NAF1: variants seen among roughly 807,000 people sequenced by gnomAD.
NAF1 encodes H/ACA ribonucleoprotein complex non-core subunit NAF1.
A neutral mutation model predicts 40.6 loss-of-function variants in NAF1; 11 were observed. The observed-to-expected ratio is 0.27, with a 90% CI of 0.17 to 0.45. The LOEUF (loss-of-function observed/expected upper bound fraction) is 0.45. NAF1 is among the 20% of genes least tolerant of loss of function. The pLI is 1.00. For synonymous variants in NAF1, 260 were observed against 228.5 expected, an observed-to-expected ratio of 1.14 and a Z score of -1.24; for missense variants, 607 against 611.1, an observed-to-expected ratio of 0.99 and a Z score of 0.07.
downstream of NAF1, among the ~76,000 whole-genome samples, chr4:163,108,072 A>AT (rs982953642): frequency 1.3e-5 from 2 of 151,802 alleles, no homozygotes; most frequent in African/African-American, 2.4e-5. Context: ...AATTAAGAAA[A>AT]TTTTTTTTTC....
chr4:163,134,921 A>G (rs1453100239), intron 6 of NAF1: 1 of 152,158 alleles, frequency 6.6e-6, no homozygotes, highest in South Asian at 2.1e-4. Context: ...AAGGATTTTA[A>G]TTGGGAATAG....
At chr4:163,110,294 A>G in intron 2 of NAF1, 1 of 701,090 alleles carries the variant, frequency 1.4e-6, no homozygotes, top group Non-Finnish European at 2.6e-6. Flanking sequence ...CCATGGTCTG[A>G]AAATAGGTGA....
Position 163,164,403 on chromosome 4 carries a change from A to C in NAF1, c.366-12T>G. 1 of 1,504,312 alleles carries C rather than the reference A, an allele frequency of 6.6e-7. No individual in the cohort carries two copies. The highest frequency in any genetic ancestry group is 8.9e-7 in the Non-Finnish European group (1 of 1,127,530). The allele number at this position is 1,504,312 out of a possible 1,614,324, so 93.2% of individuals were successfully genotyped here. A position where few individuals can be genotyped will look rare whatever the true frequency, so the allele number is the denominator to read the frequency against. On this transcript the variant is annotated splice_polypyrimidine_tract_variant and intron_variant, in intron 1 of 7. Transcript: ENST00000274054. ...CTGAATCTGTTTCACTGTAGGGAAG[A>C]AAACAGTTAAAAAAATAGTCCAGTA...
At chr4:163,149,012 C>T (rs777700102) in intron 2 of NAF1, among the ~76,000 whole-genome samples, 3 of 152,152 alleles carry the variant, frequency 2.0e-5, no homozygotes, top group African/African-American at 2.4e-5. Context: ...CCTATAAAAA[C>T]TATGAAGGTG....
At chr4:163,127,879 T>C (rs952235824), downstream of NAF1, among the ~76,000 whole-genome samples, 3 of 152,174 alleles carry the variant, frequency 2.0e-5, no homozygotes, top group African/African-American at 7.2e-5. Context: ...TTGGGAAACA[T>C]CTACTTAGTG....
chr4:163,130,197 A>G (rs1029470893), intron 7 of NAF1, among the ~76,000 whole-genome samples: 1 of 152,228 alleles, frequency 6.6e-6, no homozygotes, highest in Non-Finnish European at 1.5e-5. Context: ...CCAGGTTGCA[A>G]TAAAAGAAAA....
At chr4:163,115,537 A>C (rs1382498756) in intron 2 of NAF1, among the ~76,000 whole-genome samples, 1 of 152,152 alleles carries the variant, frequency 6.6e-6, no homozygotes, top group African/African-American at 2.4e-5. Flanking sequence ...ACTCAGTATG[A>C]TAATCATGTT....
exon 3 of NAF1, chr4:163,110,164 A>G: frequency 3.3e-6 from 2 of 608,984 alleles, no homozygotes; most frequent in Non-Finnish European, 5.9e-6. Flanking sequence ...ATGGATAAGA[A>G]TGCTTGACTA....
At chr4:163,125,131 TTC>T (rs1296513435), downstream of NAF1, among the ~76,000 whole-genome samples, 1 of 152,210 alleles carries the variant, frequency 6.6e-6, no homozygotes, top group Non-Finnish European at 1.5e-5. Context: ...CTGTTTCCTT[TTC>T]TCTCTCCTCA....
chr4:163,138,273 A>T (rs1731132187), intron 5 of NAF1, among the ~76,000 whole-genome samples: 1 of 152,096 alleles, frequency 6.6e-6, no homozygotes, highest in Non-Finnish European at 1.5e-5. Flanking sequence ...TGGCTTTTCC[A>T]TCACTTAAAA....
downstream of NAF1, among the ~76,000 whole-genome samples, chr4:163,124,466 C>T (rs959402209): frequency 2.6e-5 from 4 of 152,134 alleles, no homozygotes; most frequent in Non-Finnish European, 5.9e-5. Context: ...ATACTTTAAA[C>T]AATTTCTTTA....
At chr4:163,130,159 T>C (rs1001802966) in intron 7 of NAF1, among the ~76,000 whole-genome samples, 1 of 152,140 alleles carries the variant, frequency 6.6e-6, no homozygotes, top group African/African-American at 2.4e-5. Flanking sequence ...ATAAGATCCA[T>C]GGTCTTGTAA....
At chr4:163,127,257 G>A, downstream of NAF1, 1 of 1,235,586 alleles carries the variant, frequency 8.1e-7, no homozygotes, top group Non-Finnish European at 1.1e-6. Flanking sequence ...AGCCTCCCGA[G>A]TAGCTGGGAT....
downstream of NAF1, among the ~76,000 whole-genome samples, chr4:163,107,041 C>T (rs1730060309): frequency 6.6e-6 from 1 of 151,680 alleles, no homozygotes; most frequent in African/African-American, 2.4e-5. Flanking sequence ...GGCTGGAGTG[C>T]AGTGGTGCAA....
At position 163,166,746 on chromosome 4, in the gene NAF1, G is replaced by C; in HGVS notation, c.-19C>G. The C allele has an allele frequency of 6.2e-7, 1 of 1,612,794 alleles. No individual in the cohort carries two copies. Among genetic ancestry groups the C allele is most frequent in the Non-Finnish European group, 8.5e-7 (1 of 1,179,724 alleles). ...CCTCCATCGCACCGCGCCAGAAACCGGGTCGGCCTCAGGATTGGGGCCCCT... is the reference window on the plus strand; with the variant it reads ...CCTCCATCGCACCGCGCCAGAAACCCGGTCGGCCTCAGGATTGGGGCCCCT... On this transcript the variant is annotated 5_prime_UTR_variant, in exon 1 of 8. Coordinates refer to ENST00000274054, the MANE Select transcript of NAF1 (RefSeq NM_138386.3).
chr4:163,159,870 CTAA>C (rs1732148351), intron 2 of NAF1, among the ~76,000 whole-genome samples: 1 of 152,078 alleles, frequency 6.6e-6, no homozygotes, highest in African/African-American at 2.4e-5. Flanking sequence ...AAACATTGTG[CTAA>C]TAATTTTTAA....
intron 2 of NAF1, among the ~76,000 whole-genome samples, chr4:163,153,289 C>A (rs980835296): frequency 2.0e-5 from 3 of 152,206 alleles, no homozygotes; most frequent in Non-Finnish European, 2.9e-5. Flanking sequence ...AGTGCGGGAT[C>A]CACTGGGTGA....
chr4:163,144,300 C>G (rs1417509952), intron 4 of NAF1, among the ~76,000 whole-genome samples: 2 of 152,154 alleles, frequency 1.3e-5, no homozygotes, highest in African/African-American at 4.8e-5. Flanking sequence ...AGCTTTGTGA[C>G]TTTTTAGCAA....
At chr4:163,104,462 G>C in the NAF1 span, among the ~76,000 whole-genome samples, 1 of 152,116 alleles carries the variant, frequency 6.6e-6, no homozygotes, top group Admixed American at 6.6e-5. Context: ...ATAAAAATAT[G>C]GTTAATGTTG....
Sources: gnomAD v4.1 joint callset for allele counts (sites outside exome capture counted in the v4.1 genomes callset) on GRCh38, gnomAD v4.1.1 for gene constraint, MANE v1.5 for transcripts, NCBI Gene and HGNC (gene_info 2026-07-23, HGNC 2026-07-21) for gene names.